The following TEX36 variants were observed in gnomAD, a reference collection of about 807,000 sequenced individuals.
TEX36 encodes the protein testis-expressed protein 36.
Under a neutral mutation model 13.6 loss-of-function variants are expected in TEX36, and 12 were observed. The observed-to-expected ratio is 0.88, with a 90% CI of 0.56 to 1.43. The LOEUF (loss-of-function observed/expected upper bound fraction) is 1.43. TEX36 is among the 40% of genes most tolerant of loss of function. The pLI is 0.00. For synonymous variants in TEX36, 93 were observed against 83.0 expected, an observed-to-expected ratio of 1.12 and a Z score of -0.65; for missense variants, 224 against 228.3, an observed-to-expected ratio of 0.98 and a Z score of 0.12.
intron 3 of TEX36, among the ~76,000 whole-genome samples, chr10:125,641,163 AT>A (rs1174375534): frequency 6.6e-6 from 1 of 152,238 alleles, no homozygotes; most frequent in African/African-American, 2.4e-5. Context: ...AGAATTAGCC[AT>A]GGCAGGAGAA....
At chr10:125,649,947 C>T (rs1464036858) in intron 3 of TEX36, among the ~76,000 whole-genome samples, 1 of 152,186 alleles carries the variant, frequency 6.6e-6, no homozygotes, top group South Asian at 2.1e-4. Flanking sequence ...GAAGAGCTAA[C>T]TATCCTAAAT....
intron 1 of TEX36, among the ~76,000 whole-genome samples, chr10:125,671,125 C>A (rs532402229): frequency 6.6e-6 from 1 of 152,244 alleles, no homozygotes; most frequent in South Asian, 2.1e-4. Flanking sequence ...CACTTTATTT[C>A]TTTCTCTTGC....
chr10:125,634,841 G>T (rs941466461), intron 3 of TEX36, among the ~76,000 whole-genome samples: 8 of 152,278 alleles, frequency 5.3e-5, no homozygotes, highest in African/African-American at 1.9e-4. Context: ...ACTAGCTAAA[G>T]GTGAAACGAT....
At chr10:125,643,048 G>A (rs1424797604) in intron 3 of TEX36, among the ~76,000 whole-genome samples, 2 of 152,172 alleles carry the variant, frequency 1.3e-5, no homozygotes, top group Non-Finnish European at 2.9e-5. Flanking sequence ...AGGGTCCAGG[G>A]CATTTGACGA....
exon 4 of TEX36, chr10:125,576,597 G>C (rs1845827326): frequency 9.0e-7 from 1 of 1,107,028 alleles, no homozygotes; most frequent in East Asian, 2.6e-5. Context: ...TTTCTCCATA[G>C]CTGGAAATTT....
chr10:125,643,005 G>A (rs1484531271), intron 3 of TEX36, among the ~76,000 whole-genome samples: 1 of 152,248 alleles, frequency 6.6e-6, no homozygotes. Flanking sequence ...TTCCAGGGGT[G>A]CTGGCATGGA....
chr10:125,586,334 C>T (rs536087530), intron 3 of TEX36, among the ~76,000 whole-genome samples: 2 of 152,068 alleles, frequency 1.3e-5, no homozygotes, highest in East Asian at 3.8e-4. Flanking sequence ...TAATGAACAA[C>T]CTAGATAGAC....
chr10:125,598,142 T>C (rs574829868), intron 3 of TEX36, among the ~76,000 whole-genome samples: 2 of 152,246 alleles, frequency 1.3e-5, no homozygotes, highest in Admixed American at 6.5e-5. Context: ...TCTAGCCTCA[T>C]GTCAGCAGGA....
chr10:125,577,946 C>G (rs1292342426), intron 3 of TEX36, among the ~76,000 whole-genome samples: 1 of 152,218 alleles, frequency 6.6e-6, no homozygotes, highest in Non-Finnish European at 1.5e-5. Context: ...TCTCACAGGG[C>G]TGCTGAAATA....
chr10:125,655,036 ATTAT>A (rs1171114582), downstream of TEX36, among the ~76,000 whole-genome samples: 3 of 152,236 alleles, frequency 2.0e-5, no homozygotes, highest in African/African-American at 7.2e-5. Context: ...TATTAAGATA[ATTAT>A]TTAAAACAGA....
intron 3 of TEX36, among the ~76,000 whole-genome samples, chr10:125,611,301 G>A (rs776358391): frequency 1.3e-5 from 2 of 152,098 alleles, no homozygotes; most frequent in Non-Finnish European, 2.9e-5. Flanking sequence ...CTGCCAAATT[G>A]CCCTCCAGAA....
chr10:125,609,965 G>A (rs763073784), intron 3 of TEX36, among the ~76,000 whole-genome samples: 7 of 152,192 alleles, frequency 4.6e-5, no homozygotes, highest in Non-Finnish European at 7.3e-5. Flanking sequence ...AACCAAGATG[G>A]TGATGAAAGC....
rs545263377 is a variant in TEX36, at chr10:125,655,806, A to G, written c.*94T>C. 66 of 1,355,518 alleles carry G rather than the reference A, an allele frequency of 4.9e-5. No homozygotes were observed. The South Asian group carries it at 1.3e-3, about 27-fold the overall frequency. The allele number at this position is 1,355,518 out of a possible 1,614,324, so 84.0% of individuals were successfully genotyped here. On this transcript the variant is annotated 3_prime_UTR_variant, in exon 4 of 4. Transcript: ENST00000368821. ...TAAAAATCATAAAAGTACTTTAAAAATTAAATAGTGGTGCTGGATCAGAAA... is the reference window on the plus strand; with the variant it reads ...TAAAAATCATAAAAGTACTTTAAAAGTTAAATAGTGGTGCTGGATCAGAAA...
intron 3 of TEX36, among the ~76,000 whole-genome samples, chr10:125,632,059 G>A (rs1450044225): frequency 6.6e-6 from 1 of 152,156 alleles, no homozygotes; most frequent in African/African-American, 2.4e-5. Flanking sequence ...GTGGGAGTGG[G>A]AAGAAGGAAA....
chr10:125,587,225 T>G (rs1018948668), intron 3 of TEX36, among the ~76,000 whole-genome samples: 3 of 152,268 alleles, frequency 2.0e-5, no homozygotes, highest in Non-Finnish European at 4.4e-5. Context: ...TGTGGTGGTG[T>G]GCTCCTGTAG....
chr10:125,610,532 T>C (rs1321141976), intron 3 of TEX36, among the ~76,000 whole-genome samples: 2 of 140,840 alleles, frequency 1.4e-5, no homozygotes, highest in South Asian at 2.1e-4. Flanking sequence ...CCCATGCATA[T>C]TGAAGTTGAA....
At chr10:125,584,651 A>T (rs577329822) in intron 3 of TEX36, among the ~76,000 whole-genome samples, 1 of 152,318 alleles carries the variant, frequency 6.6e-6, no homozygotes, top group Admixed American at 6.5e-5. Context: ...TACTTGTAAA[A>T]AGAGGCAGAG....
chr10:125,630,235 G>T (rs1262850398), intron 3 of TEX36, among the ~76,000 whole-genome samples: 29 of 152,166 alleles, frequency 1.9e-4, no homozygotes, highest in Admixed American at 1.9e-3. Context: ...AGTTACCCCA[G>T]AACTTCATGG....
intron 1 of TEX36, 125 bp from the exon 2 acceptor site, chr10:125,662,102 G>T: frequency 7.9e-7 from 1 of 1,262,416 alleles, no homozygotes; most frequent in Non-Finnish European, 1.1e-6. Flanking sequence ...AATGGAAATG[G>T]CATAATTTTT....
Sources: gnomAD v4.1 joint callset for allele counts (sites outside exome capture counted in the v4.1 genomes callset) on GRCh38, gnomAD v4.1.1 for gene constraint, MANE v1.5 for transcripts, NCBI Gene and HGNC (gene_info 2026-07-23, HGNC 2026-07-21) for gene names.